Variants in MAML3 observed in about 807,000 individuals in gnomAD.
The protein encoded by MAML3 is mastermind like transcriptional coactivator 3, also known as mastermind-like protein 3.
MAML3 carries 27 observed loss-of-function variants against 101.9 expected under a neutral mutation model. The observed-to-expected ratio is 0.27, with a 90% confidence interval of 0.20 to 0.37. MAML3 has a LOEUF of 0.37. Among genes scored for constraint, MAML3 ranks in the 10% least tolerant of loss-of-function variants. MAML3 has a pLI of 1.00. For synonymous variants in MAML3, 501 were observed against 555.9 expected, an observed-to-expected ratio of 0.90 and a Z score of 1.39; for missense variants, 1,316 against 1,444.9, an observed-to-expected ratio of 0.91 and a Z score of 1.45.
chr4:139,817,664 T>C (rs911894250), intron 2 of MAML3, among the ~76,000 whole-genome samples: 10 of 152,232 alleles, frequency 6.6e-5, no homozygotes, highest in African/African-American at 2.4e-4. Context: ...CAGTTTTCTA[T>C]GCCGGGTTAG....
At chr4:139,909,613 G>A (rs1243662363) in intron 1 of MAML3, among the ~76,000 whole-genome samples, 1 of 152,054 alleles carries the variant, frequency 6.6e-6, no homozygotes, top group Non-Finnish European at 1.5e-5. Flanking sequence ...AGGAGGCCGC[G>A]GTAGGTGGAG....
At chr4:139,850,545 T>C (rs1731529805) in intron 2 of MAML3, among the ~76,000 whole-genome samples, 1 of 152,144 alleles carries the variant, frequency 6.6e-6, no homozygotes, top group East Asian at 1.9e-4. Flanking sequence ...TTCTTCTTTT[T>C]TTTTTTGAGA....
chr4:139,896,347 C>G (rs1047540860), intron 1 of MAML3, among the ~76,000 whole-genome samples: 2 of 152,208 alleles, frequency 1.3e-5, no homozygotes, highest in African/African-American at 4.8e-5. Context: ...TATGACTGCA[C>G]CCTCGTGGAA....
At chr4:140,090,634 A>G (rs375517722) in intron 1 of MAML3, among the ~76,000 whole-genome samples, 42 of 152,330 alleles carry the variant, frequency 2.8e-4, no homozygotes, top group African/African-American at 1.0e-3. Flanking sequence ...TAGACAGTCT[A>G]ACTCTTACCA....
chr4:140,068,318 T>C (rs1727574121), intron 1 of MAML3, among the ~76,000 whole-genome samples: 1 of 152,242 alleles, frequency 6.6e-6, no homozygotes, highest in African/African-American at 2.4e-5. Flanking sequence ...ACACAGGCTT[T>C]GTACACAGTA....
intron 1 of MAML3, among the ~76,000 whole-genome samples, chr4:140,087,091 T>C (rs1002924881): frequency 6.6e-6 from 1 of 152,000 alleles, no homozygotes; most frequent in Admixed American, 6.6e-5. Flanking sequence ...ACCTGGGAGG[T>C]GGAGGTTGCA....
chr4:139,865,496 G>GTTTT (rs1175520994), intron 2 of MAML3, among the ~76,000 whole-genome samples: 11 of 122,664 alleles, frequency 9.0e-5, no homozygotes, highest in African/African-American at 3.0e-4. Context: ...TTTTTTTTTT[G>GTTTT]TTTTTTTTTT....
At chr4:139,883,889 C>CTTTTTT (rs70943452) in intron 2 of MAML3, among the ~76,000 whole-genome samples, 4 of 74,324 alleles carry the variant, frequency 5.4e-5, no homozygotes, top group East Asian at 4.1e-4. Context: ...AATTGCTTGT[C>CTTTTTT]TTTTTTTTTT....
chr4:139,741,847 C>G (rs1292440946), intron 2 of MAML3, among the ~76,000 whole-genome samples: 3 of 152,126 alleles, frequency 2.0e-5, no homozygotes, highest in African/African-American at 7.2e-5. Flanking sequence ...GGTATAATTG[C>G]CCTATGCTGT....
intron 2 of MAML3, among the ~76,000 whole-genome samples, chr4:139,761,341 A>G (rs1417617134): frequency 3.9e-5 from 6 of 152,156 alleles, no homozygotes; most frequent in Non-Finnish European, 8.8e-5. Context: ...ACCATGGAAC[A>G]GGTTGCTTCA....
intron 1 of MAML3, among the ~76,000 whole-genome samples, chr4:139,994,636 GGC>G (rs1373243689): frequency 1.3e-5 from 2 of 152,052 alleles, no homozygotes; most frequent in African/African-American, 4.8e-5. Context: ...CTCCAGCCTG[GGC>G]AACAGAGAGA....
chr4:139,745,248 A>G (rs1262046342), intron 2 of MAML3, among the ~76,000 whole-genome samples: 3 of 152,130 alleles, frequency 2.0e-5, no homozygotes, highest in African/African-American at 7.2e-5. Flanking sequence ...GGCCATGGAC[A>G]GATCTGCATG....
intron 1 of MAML3, among the ~76,000 whole-genome samples, chr4:139,942,173 G>A (rs1733619974): frequency 6.8e-6 from 1 of 147,044 alleles, no homozygotes; most frequent in Admixed American, 6.7e-5. Flanking sequence ...AGGGAGGGAA[G>A]GCAGGCAGGC....
intron 2 of MAML3, among the ~76,000 whole-genome samples, chr4:139,738,726 A>T (rs926135076): frequency 2.6e-5 from 4 of 151,768 alleles, no homozygotes; most frequent in African/African-American, 9.7e-5. Flanking sequence ...AGAAAAAAAA[A>T]TGCAGAAAAG....
At chr4:139,843,083 G>A (rs1731390828) in intron 2 of MAML3, among the ~76,000 whole-genome samples, 2 of 151,984 alleles carry the variant, frequency 1.3e-5, no homozygotes, top group Non-Finnish European at 2.9e-5. Flanking sequence ...GTCCAGCCAA[G>A]GCCAGTTCCT....
chr4:140,153,444 C>T lies in MAML3; in HGVS notation c.-117G>A. 1 of 1,194,178 alleles carries T rather than the reference C, an allele frequency of 8.4e-7. No individual in the cohort carries two copies. Among genetic ancestry groups the T allele is most frequent in the Non-Finnish European group, 1.1e-6 (1 of 924,704 alleles). The allele number at this position is 1,194,178 out of a possible 1,614,324, so 74.0% of individuals were successfully genotyped here. On this transcript the variant is annotated 5_prime_UTR_variant, in exon 1 of 5. In the 5' UTR this introduces an upstream ATG that the reference lacks. Transcript: ENST00000509479. ...GTGGAACGCGGGGGAGACGCAAGCA[C>T]ATGGATGGAAACGGCGATCCCGACG...
At chr4:140,123,004 C>T (rs183519782) in intron 1 of MAML3, among the ~76,000 whole-genome samples, 2 of 151,920 alleles carry the variant, frequency 1.3e-5, no homozygotes, top group African/African-American at 4.8e-5. Context: ...CTCCTATTCT[C>T]TAGTAAACCA....
chr4:139,829,507 G>A (rs1731125573), intron 2 of MAML3, among the ~76,000 whole-genome samples: 1 of 152,196 alleles, frequency 6.6e-6, no homozygotes, highest in Non-Finnish European at 1.5e-5. Context: ...TGAGGAAGCT[G>A]AACATACCAA....
In MAML3 at chr4:140,092,104, GTA is replaced by G. The variant is rs1416440469; in HGVS notation, c.468+60754_468+60755del. Among the ~76,000 whole-genome samples the G allele has an allele frequency of 8.3e-4, 66 of 79,098 alleles. 1 individual carries two copies. Among genetic ancestry groups the G allele is most frequent in the African/African-American group, 2.5e-3 (61 of 23,922 alleles). The allele number at this position is 79,098 out of a possible 152,430, so 51.9% of individuals were successfully genotyped here. A position where few individuals can be genotyped will look rare whatever the true frequency, so the allele number is the denominator to read the frequency against. The stretch of plus-strand genomic sequence containing the variant: ...TATATATACGTATATATATATATAC[GTA>G]TATATATATATACGTATATATATAT... On this transcript the variant is annotated intron_variant, in intron 1 of 4. Coordinates refer to ENST00000509479, the MANE Select transcript of MAML3 (RefSeq NM_018717.5).
Sources: gnomAD v4.1 joint callset for allele counts (sites outside exome capture counted in the v4.1 genomes callset) on GRCh38, gnomAD v4.1.1 for gene constraint, MANE v1.5 for transcripts, NCBI Gene and HGNC (gene_info 2026-07-23, HGNC 2026-07-21) for gene names.